ITPR2: variants seen among roughly 807,000 people sequenced by gnomAD.
The protein encoded by ITPR2 is inositol 1,4,5-trisphosphate-gated calcium channel ITPR2.
ITPR2 carries 207 observed loss-of-function variants against 317.1 expected under a neutral mutation model. The ratio of observed to expected loss-of-function variants is 0.65; its 90% confidence interval spans 0.58 to 0.73. The LOEUF (loss-of-function observed/expected upper bound fraction) is 0.73, where lower values mean the gene tolerates loss of function less well. Among genes scored for constraint, ITPR2 ranks in the 30% least tolerant of loss-of-function variants. The pLI is 0.00. For synonymous variants in ITPR2, 1,156 were observed against 1,149.1 expected, an observed-to-expected ratio of 1.01 and a Z score of -0.12; for missense variants, 2,613 against 3,284.0, an observed-to-expected ratio of 0.80 and a Z score of 4.99.
intron 48 of ITPR2, among the ~76,000 whole-genome samples, chr12:26,429,084 T>C (rs1429931895): frequency 6.6e-6 from 1 of 152,232 alleles, no homozygotes; most frequent in African/African-American, 2.4e-5. Flanking sequence ...TGCATAGCTT[T>C]TGTACTGTCA....
intron 13 of ITPR2, among the ~76,000 whole-genome samples, chr12:26,669,193 A>T (rs749438): frequency 0.19 from 28,383 of 151,598 alleles, 3,564 homozygotes; most frequent in East Asian, 0.55. Flanking sequence ...TTCTACATAC[A>T]TTCTAAAAAT....
At chr12:26,622,435 C>T (rs1182768337) in intron 24 of ITPR2, 30 bp from the exon 25 acceptor site, 1 of 1,537,258 alleles carries the variant, frequency 6.5e-7, no homozygotes, top group Admixed American at 1.9e-5. Context: ...TCTAAAGTGA[C>T]TCCTATTTAT....
intron 44 of ITPR2, 152 bp downstream of exon 44, chr12:26,476,760 C>T: frequency 3.4e-6 from 2 of 584,738 alleles, no homozygotes; most frequent in Middle Eastern, 4.6e-4. Flanking sequence ...CACCACAGGG[C>T]CTTCTGAGGT....
In ITPR2 at chr12:26,561,798, AG is replaced by A; in HGVS notation, c.4784del (p.Pro1595LeufsTer15). On this transcript the variant is annotated frameshift_variant, in exon 35 of 57. Coordinates refer to ENST00000381340, the MANE Select transcript of ITPR2 (RefSeq NM_002223.4). LOFTEE classifies it high-confidence loss of function. ...CAATAATATTTCTGTAATCCCAAGC[AG>A]GCCCTCCAAGAGCTTCCTTAAAGCG... The part of the protein sequence containing the change: ...GPRFKEALGG[P>X]AWDYRNIIEK... The A allele has an allele frequency of 1.9e-6, 3 of 1,586,590 alleles. No homozygotes were observed. Among genetic ancestry groups the A allele is most frequent in the Non-Finnish European group, 2.6e-6 (3 of 1,172,692 alleles).
intron 4 of ITPR2, among the ~76,000 whole-genome samples, chr12:26,722,819 A>C (rs1006774211): frequency 2.0e-5 from 3 of 152,170 alleles, no homozygotes; most frequent in Non-Finnish European, 2.9e-5. Flanking sequence ...AGTGATTTTC[A>C]TCTACTGATA....
chr12:26,757,653 A>G (rs374749304), intron 2 of ITPR2, among the ~76,000 whole-genome samples: 3 of 152,202 alleles, frequency 2.0e-5, no homozygotes, highest in Non-Finnish European at 4.4e-5. Context: ...TTGACTTACG[A>G]TATTTTCAAT....
At chr12:26,526,442 C>T (rs144212997) in intron 37 of ITPR2, among the ~76,000 whole-genome samples, 171 of 152,184 alleles carry the variant, frequency 1.1e-3, no homozygotes, top group African/African-American at 3.8e-3. Context: ...GAAAGGACAC[C>T]ACTGTGGCTA....
chr12:26,497,937 G>A (rs1359567056), intron 37 of ITPR2, among the ~76,000 whole-genome samples: 1 of 151,952 alleles, frequency 6.6e-6, no homozygotes, highest in Non-Finnish European at 1.5e-5. Flanking sequence ...ATTTCACCAT[G>A]TTGGCCAGAG....
chr12:26,773,846 A>T (rs1949912687), intron 2 of ITPR2, among the ~76,000 whole-genome samples: 1 of 152,170 alleles, frequency 6.6e-6, no homozygotes, highest in Non-Finnish European at 1.5e-5. Flanking sequence ...AACCTCATGG[A>T]GGAGAGTAAA....
At chr12:26,742,801 A>G (rs1949255044) in intron 2 of ITPR2, among the ~76,000 whole-genome samples, 1 of 151,626 alleles carries the variant, frequency 6.6e-6, no homozygotes, top group Admixed American at 6.6e-5. Context: ...TGACAGAACA[A>G]GACTCTGTCT....
At chr12:26,414,562 G>C (rs779918143) in intron 51 of ITPR2, among the ~76,000 whole-genome samples, 1 of 151,982 alleles carries the variant, frequency 6.6e-6, no homozygotes, top group Non-Finnish European at 1.5e-5. Context: ...GGAGGAAAAA[G>C]AATAATAAAC....
chr12:26,790,273 C>A, intron 1 of ITPR2, 46 bp from the exon 2 acceptor site: 1 of 1,423,580 alleles, frequency 7.0e-7, no homozygotes. Flanking sequence ...TTGTCATATT[C>A]ATAAACCACA....
intron 13 of ITPR2, among the ~76,000 whole-genome samples, chr12:26,668,807 CA>C (rs5797189): frequency 0.28 from 40,888 of 148,034 alleles, 5,842 homozygotes; most frequent in Non-Finnish European, 0.33. Flanking sequence ...GTGGATATAC[CA>C]AAAAAAAAAA....
intron 37 of ITPR2, among the ~76,000 whole-genome samples, chr12:26,524,033 A>T (rs1943740155): frequency 6.6e-6 from 1 of 152,234 alleles, no homozygotes; most frequent in Non-Finnish European, 1.5e-5. Context: ...CAAATAAAAC[A>T]GGGACCATTT....
At chr12:26,489,644 C>T (rs10743586) in intron 39 of ITPR2, among the ~76,000 whole-genome samples, 128,662 of 152,210 alleles carry the variant, frequency 0.85, 54,948 homozygotes, top group Non-Finnish European at 0.91. Flanking sequence ...GTATAATTTT[C>T]CTTATTGCTA....
rs545944682 is a variant in ITPR2 at position 26,686,682 on chromosome 12, C to T, written c.997-50G>A. Reference sequence around the variant, plus strand: ...TACTTTTATCACGTTTCTTGCTAAACTCTCCAATTAATCAGGTGATAAGGT... The same window carrying T: ...TACTTTTATCACGTTTCTTGCTAAATTCTCCAATTAATCAGGTGATAAGGT... On this transcript the variant is annotated intron_variant, in intron 10 of 56. Transcript: ENST00000381340. 4.0e-6 allele frequency: 6 copies of T among 1,494,396 alleles called. No homozygotes were observed. The Admixed American group carries it at 5.8e-5, about 14-fold the overall frequency. 92.6% of individuals were successfully genotyped at this position (1,494,396 alleles called of 1,614,324 possible). A position where few individuals can be genotyped will look rare whatever the true frequency, so the allele number is the denominator to read the frequency against.
At chr12:26,632,093 C>T in intron 21 of ITPR2, 34 bp from the exon 22 acceptor site, 1 of 1,488,202 alleles carries the variant, frequency 6.7e-7, no homozygotes, top group African/African-American at 1.4e-5. Context: ...TCAACACACA[C>T]AACCCCTGGA....
At chr12:26,353,410 C>T (rs1304030268) in intron 55 of ITPR2, among the ~76,000 whole-genome samples, 1 of 152,132 alleles carries the variant, frequency 6.6e-6, no homozygotes, top group Non-Finnish European at 1.5e-5. Flanking sequence ...GCTGAATAGC[C>T]AGTGATGGCA....
At chr12:26,727,236 C>T (rs1354497959) in intron 2 of ITPR2, among the ~76,000 whole-genome samples, 2 of 152,136 alleles carry the variant, frequency 1.3e-5, no homozygotes, top group Non-Finnish European at 2.9e-5. Context: ...CACAAATCCA[C>T]AAGTTGTTTA....
Sources: gnomAD v4.1 joint callset for allele counts (sites outside exome capture counted in the v4.1 genomes callset) on GRCh38, gnomAD v4.1.1 for gene constraint, MANE v1.5 for transcripts, NCBI Gene and HGNC (gene_info 2026-07-23, HGNC 2026-07-21) for gene names.